The following DNAH6 variants were observed in gnomAD, a reference collection of about 807,000 sequenced individuals.
DNAH6 encodes the protein dynein axonemal heavy chain 6.
Under a neutral mutation model 491.4 loss-of-function variants are expected in DNAH6, and 340 were observed. The ratio of observed to expected loss-of-function variants is 0.69; its 90% CI spans 0.63 to 0.76. DNAH6 has a LOEUF of 0.76. Among genes scored for constraint, DNAH6 ranks in the 30% least tolerant of loss-of-function variants. The probability of loss-of-function intolerance (pLI) is 0.00; values close to 1 mark genes in which losing one functional copy is unlikely to be tolerated. For missense variants in DNAH6, 4,443 were observed against 4,972.2 expected (o/e 0.89, Z 3.20); for synonymous variants, 1,603 against 1,686.1 (o/e 0.95, Z 1.21).
chr2:84,816,117 A>G, intron 76 of DNAH6, 34 bp downstream of exon 76: 1 of 1,478,774 alleles, frequency 6.8e-7, no homozygotes, highest in Admixed American at 2.0e-5. Context: ...TCAAATAATG[A>G]CCAAATGCAA....
chr2:84,809,164 T>G (rs1429768796), intron 72 of DNAH6, among the ~76,000 whole-genome samples: 4 of 152,252 alleles, frequency 2.6e-5, no homozygotes, highest in Non-Finnish European at 5.9e-5. Flanking sequence ...TTTGTAATGA[T>G]GGTCAAAGGC....
intron 63 of DNAH6, among the ~76,000 whole-genome samples, chr2:84,753,777 AAAG>A (rs1312800991): frequency 6.6e-6 from 1 of 150,622 alleles, no homozygotes; most frequent in African/African-American, 2.4e-5. Context: ...AAAAAAAAAA[AAAG>A]TACAGTTTTG....
chr2:84,643,898 G>GTGTT (rs138750347), intron 33 of DNAH6, among the ~76,000 whole-genome samples: 50 of 148,640 alleles, frequency 3.4e-4, no homozygotes, highest in African/African-American at 1.1e-3. Flanking sequence ...TTCAAATTGT[G>GTGTT]TTTTTTTTTG....
chr2:84,591,091 G>A (rs1684069831), intron 16 of DNAH6, among the ~76,000 whole-genome samples: 1 of 152,176 alleles, frequency 6.6e-6, no homozygotes, highest in Non-Finnish European at 1.5e-5. Flanking sequence ...TGAAGTGGCT[G>A]TCCAATGTGA....
chr2:84,624,564 A>G lies in DNAH6; in HGVS notation c.4297A>G (p.Thr1433Ala). Residue 1433 changes from threonine to alanine, a missense_variant, in exon 28 of 77, where the codon ACT (threonine) becomes GCT (alanine). By Grantham distance (58) the Thr-to-Ala change is moderately conservative. This residue lies in a region of DNAH6 where 2,977 missense variants were observed against 3,296.6 expected (regional missense o/e 0.90). Coordinates refer to ENST00000389394, the MANE Select transcript of DNAH6 (RefSeq NM_001370.2). ...CVARMALSQY[T>A]YGYEYLGACP... ...GGCTAGAATGGCGCTCTCTCAGTACACTTATGGCTATGAATATTTGGGTGC... is the reference window on the plus strand; with the variant it reads ...GGCTAGAATGGCGCTCTCTCAGTACGCTTATGGCTATGAATATTTGGGTGC... The G allele has an allele frequency of 6.4e-7, 1 of 1,551,626 alleles. No individual in the cohort carries two copies. The highest frequency in any genetic ancestry group is 8.7e-7 in the Non-Finnish European group (1 of 1,146,940).
chr2:84,686,703 A>G, intron 44 of DNAH6, 146 bp downstream of exon 44: 2 of 553,430 alleles, frequency 3.6e-6, no homozygotes, highest in East Asian at 3.2e-5. Flanking sequence ...CCCATGAGCC[A>G]CATCTGCCTG....
intron 70 of DNAH6, among the ~76,000 whole-genome samples, chr2:84,801,638 C>T (rs1200908316): frequency 6.6e-6 from 1 of 152,052 alleles, no homozygotes; most frequent in Non-Finnish European, 1.5e-5. Flanking sequence ...AATCCTAACA[C>T]TTTGAGAGGC....
chr2:84,543,986 A>G (rs1475734480), intron 4 of DNAH6, among the ~76,000 whole-genome samples: 1 of 152,122 alleles, frequency 6.6e-6, no homozygotes, highest in Admixed American at 6.5e-5. Flanking sequence ...TAATGTAAAA[A>G]TCATGTAACT....
chr2:84,477,681 C>T, the DNAH6 span, among the ~76,000 whole-genome samples: 1 of 152,148 alleles, frequency 6.6e-6, no homozygotes, highest in Admixed American at 6.5e-5. Context: ...GTTACACATT[C>T]CCTTCCTGAA....
chr2:84,579,559 G>A lies in DNAH6; in HGVS notation c.2109G>A (p.Lys703=), dbSNP rs1445033835. The A allele has an allele frequency of 6.2e-7, 1 of 1,613,550 alleles. No individual in the cohort carries two copies. The highest frequency in any genetic ancestry group is 8.5e-7 in the Non-Finnish European group (1 of 1,179,806). ...ATTTTATGCTTCCTCGTCAAAGCAAGAAAAAAGTGGATGCCATTATCTTTG... is the reference window on the plus strand; with the variant it reads ...ATTTTATGCTTCCTCGTCAAAGCAAAAAAAAAGTGGATGCCATTATCTTTG... ...VLNFMLPRQS[K]KKVDAIIFEA... is the part of the protein sequence containing the mutation. The change falls in exon 14 of 77, where the codon AAG becomes AAA. Residue 703 remains lysine (K), a synonymous_variant. Coordinates refer to ENST00000389394, the MANE Select transcript of DNAH6 (RefSeq NM_001370.2).
At chr2:84,719,487 GTTTTTGTTT>G (rs1180866842) in intron 59 of DNAH6, among the ~76,000 whole-genome samples, 1 of 144,810 alleles carries the variant, frequency 6.9e-6, no homozygotes, top group Admixed American at 6.8e-5. Context: ...GCTCTCTTGA[GTTTTTGTTT>G]TTTTTGTTTT....
chr2:84,553,407 TTCTTTC>T lies in DNAH6; in HGVS notation c.1602+375_1602+380del, dbSNP rs1572998115. Among the ~76,000 whole-genome samples the T allele has an allele frequency of 8.8e-5, 13 of 148,378 alleles. 1 individual carries two copies. The East Asian group carries it at 2.4e-3, about 27-fold the overall frequency. ...TTTCTTTCTTTCTTTCTTTCTTTCT[TTCTTTC>T]TTTCTTTCTTTCTTTCTTTCTTTTT... is the stretch of plus-strand genomic sequence containing the variant. On this transcript the variant is annotated intron_variant, in intron 10 of 76. Coordinates refer to ENST00000389394, the MANE Select transcript of DNAH6 (RefSeq NM_001370.2).
intron 68 of DNAH6, among the ~76,000 whole-genome samples, chr2:84,787,604 C>A (rs1469935522): frequency 6.6e-6 from 1 of 152,092 alleles, no homozygotes; most frequent in Non-Finnish European, 1.5e-5. Context: ...ATTTAATCCT[C>A]GTAATAACCT....
chr2:84,474,145 G>A, the DNAH6 span, among the ~76,000 whole-genome samples: 1 of 152,302 alleles, frequency 6.6e-6, no homozygotes, highest in Non-Finnish European at 1.5e-5. Context: ...AGTATTTTGG[G>A]ATAATTGTTG....
chr2:84,566,480 A>G (rs570335027), intron 11 of DNAH6, among the ~76,000 whole-genome samples: 21 of 152,078 alleles, frequency 1.4e-4, no homozygotes, highest in African/African-American at 1.7e-4. Context: ...AATTTCTTAA[A>G]TGGAATGACT....
chr2:84,522,632 G>T (rs1676260239), intron 2 of DNAH6, among the ~76,000 whole-genome samples: 1 of 151,692 alleles, frequency 6.6e-6, no homozygotes, highest in East Asian at 1.9e-4. Context: ...TTATTTTGAG[G>T]TATGTTTCTT....
rs1454411165 is a variant in DNAH6 at position 84,552,002 on chromosome 2, C to T, written c.1486-916C>T. On this transcript the variant is annotated intron_variant, in intron 9 of 76. Coordinates refer to ENST00000389394, the MANE Select transcript of DNAH6 (RefSeq NM_001370.2). ...GATGGAGGTTGCAGTGAGCTGAGAT[C>T]GCGCCATTGCACTCCAGCCTAGGCA... Among the ~76,000 whole-genome samples the T allele has an allele frequency of 2.7e-5, 4 of 148,572 alleles. No individual in the cohort carries two copies. In the South Asian group the frequency reaches 6.3e-4, roughly 23 times the overall value.
chr2:84,485,131 T>A, the DNAH6 span, among the ~76,000 whole-genome samples: 2 of 152,202 alleles, frequency 1.3e-5, no homozygotes, highest in Admixed American at 6.5e-5. Context: ...TTCTCCATCC[T>A]AATCTCTAAT....
chr2:84,707,566 G>T lies in DNAH6; in HGVS notation c.8898G>T (p.Lys2966Asn). 1 of 1,552,014 alleles carries T rather than the reference G, an allele frequency of 6.4e-7. No homozygotes were observed. The highest frequency in any genetic ancestry group is 8.7e-7 in the Non-Finnish European group (1 of 1,147,050). ...LTKARLVRAG[K>N]LTAALEDEQV... ...AAGCACGTCTAGTACGTGCTGGAAA[G>T]CTGACAGCAGCATTAGAAGATGAGC... Residue 2966 changes from lysine to asparagine, a missense_variant, in exon 54 of 77, where the codon AAG becomes AAT. Lys to Asn is a moderately conservative substitution (Grantham distance 94). Coordinates refer to ENST00000389394, the MANE Select transcript of DNAH6 (RefSeq NM_001370.2).
Sources: allele counts gnomAD v4.1 joint callset (sites outside exome capture counted in the v4.1 genomes callset), GRCh38; gene constraint gnomAD v4.1.1; regional missense constraint gnomAD v4.1.1; transcripts MANE v1.5; gene names NCBI Gene and HGNC (gene_info 2026-07-23, HGNC 2026-07-21).